FAM210A: variants seen among roughly 807,000 people sequenced by gnomAD.
The protein encoded by FAM210A is mitochondrial inner membrane scaffold 1.
A neutral mutation model predicts 25.3 loss-of-function variants in FAM210A; 13 were observed. The ratio of observed to expected loss-of-function variants is 0.51; its 90% CI spans 0.33 to 0.82. The LOEUF is 0.82. Among genes scored for constraint, FAM210A ranks in the 40% least tolerant of loss-of-function variants. The pLI is 0.02. For synonymous variants in FAM210A, 125 were observed against 118.7 expected, an observed-to-expected ratio of 1.05 and a Z score of -0.35; for missense variants, 319 against 323.2, an observed-to-expected ratio of 0.99 and a Z score of 0.10.
chr18:13,678,532 C>T (rs567358809), intron 2 of FAM210A, among the ~76,000 whole-genome samples: 4 of 152,266 alleles, frequency 2.6e-5, no homozygotes, highest in Admixed American at 6.5e-5. Flanking sequence ...TCAGACGATC[C>T]GCCTGCCTCA....
intron 1 of FAM210A, among the ~76,000 whole-genome samples, chr18:13,689,160 T>A (rs1445878337): frequency 1.3e-5 from 2 of 152,216 alleles, no homozygotes; most frequent in East Asian, 1.9e-4. Context: ...AAAACGTACA[T>A]CTACTGGGCA....
intron 1 of FAM210A, among the ~76,000 whole-genome samples, chr18:13,714,235 T>C (rs2043843774): frequency 6.6e-6 from 1 of 152,170 alleles, no homozygotes; most frequent in African/African-American, 2.4e-5. Flanking sequence ...ATGTCAGACA[T>C]GAGTTACAAG....
intron 1 of FAM210A, among the ~76,000 whole-genome samples, chr18:13,693,337 C>T (rs994707148): frequency 9.2e-5 from 14 of 152,198 alleles, no homozygotes; most frequent in African/African-American, 3.4e-4. Flanking sequence ...TGGTACCATT[C>T]CTTCTGAAAC....
At chr18:13,675,167 CTTCT>C (rs1473003056) in intron 2 of FAM210A, among the ~76,000 whole-genome samples, 1 of 138,550 alleles carries the variant, frequency 7.2e-6, no homozygotes, top group Non-Finnish European at 1.6e-5. Flanking sequence ...TGAGCCCCAG[CTTCT>C]TTATTTCCTG....
intron 1 of FAM210A, among the ~76,000 whole-genome samples, chr18:13,697,992 ACT>A (rs2043708704): frequency 6.6e-6 from 1 of 152,146 alleles, no homozygotes; most frequent in Non-Finnish European, 1.5e-5. Flanking sequence ...CACTTTCTAT[ACT>A]CTCACACAAC....
At chr18:13,679,268 A>C (rs942171959) in intron 2 of FAM210A, among the ~76,000 whole-genome samples, 2 of 152,202 alleles carry the variant, frequency 1.3e-5, no homozygotes, top group African/African-American at 4.8e-5. Flanking sequence ...CCTTTCTTTT[A>C]ATAGTAAGTA....
chr18:13,678,155 G>A (rs2043520547), intron 2 of FAM210A, among the ~76,000 whole-genome samples: 1 of 152,110 alleles, frequency 6.6e-6, no homozygotes, highest in Non-Finnish European at 1.5e-5. Context: ...GTGGTGTCAA[G>A]ACTTGTCTCT....
Position 13,681,609 on chromosome 18 carries a change from A to C in FAM210A, c.469T>G (p.Leu157Val). The C allele has an allele frequency of 6.3e-7, 1 of 1,596,568 alleles. No individual in the cohort carries two copies. The highest frequency in any genetic ancestry group is 1.1e-5 in the South Asian group (1 of 87,472). The change falls in exon 2 of 4, where the codon TTG becomes GTG. Residue 157 changes from leucine to valine, a missense_variant. By Grantham distance (32) the Leu-to-Val change is conservative. Coordinates refer to ENST00000651643, the MANE Select transcript of FAM210A (RefSeq NM_152352.4). ...VWFGTFYYAA[L>V]KGVNVVPFLE... ...TTCAACTAAGCAAAAACTTACTTCA[A>C]GGCTGCATAATAAAATGTTCCAAAC...
chr18:13,676,379 T>G (rs1176263620), intron 2 of FAM210A, among the ~76,000 whole-genome samples: 1 of 134,026 alleles, frequency 7.5e-6, no homozygotes, highest in Non-Finnish European at 1.7e-5. Context: ...TTCCTGATTA[T>G]TAACACTCCT....
chr18:13,714,501 A>T (rs80304896), intron 1 of FAM210A, among the ~76,000 whole-genome samples: 2,711 of 152,322 alleles, frequency 0.018, 31 homozygotes, highest in Middle Eastern at 0.061. Context: ...GAGTAACTGA[A>T]GTTTTGAGCA....
At chr18:13,689,025 G>T (rs1199539839) in intron 1 of FAM210A, among the ~76,000 whole-genome samples, 1 of 152,240 alleles carries the variant, frequency 6.6e-6, no homozygotes, top group Non-Finnish European at 1.5e-5. Flanking sequence ...CAAGTAAACA[G>T]GGCACCCCTG....
chr18:13,668,976 T>G (rs149948624), intron 3 of FAM210A, among the ~76,000 whole-genome samples: 1 of 152,280 alleles, frequency 6.6e-6, no homozygotes, highest in East Asian at 1.9e-4. Context: ...CCTGCTTCTC[T>G]CAAAGTCTTA....
Position 13,665,571 on chromosome 18 carries a change from G to T in FAM210A, c.*909C>A, listed in dbSNP as rs1381969428. 6.6e-6 allele frequency: 1 copy of T among 151,794 alleles called. No individual in the cohort carries two copies. Among genetic ancestry groups the T allele is most frequent in the Non-Finnish European group, 1.5e-5 (1 of 68,012 alleles). The allele number at this position is 151,794 out of a possible 1,614,324, so 9.4% of individuals were successfully genotyped here. The stretch of plus-strand genomic sequence containing the variant: ...AGGCAAGGCCCATGTCTACCCCAAG[G>T]AGTTAGCAGTCTCCATGAAAACCTG... On this transcript the variant is annotated 3_prime_UTR_variant, in exon 4 of 4. Transcript: ENST00000651643.
intron 2 of FAM210A, among the ~76,000 whole-genome samples, chr18:13,678,308 C>T (rs181487822): frequency 4.6e-5 from 7 of 151,658 alleles, no homozygotes; most frequent in Non-Finnish European, 8.8e-5. Context: ...GATGGAGTTT[C>T]GCTCCAGGCT....
In FAM210A at chr18:13,664,809, T is replaced by A. The variant is rs534262895; in HGVS notation, c.*1671A>T. The stretch of plus-strand genomic sequence containing the variant: ...CCAAACTAAGTACTTGATATAAAAA[T>A]CCTGGCAAAGAGCAGGGGTCCCTGC... On this transcript the variant is annotated 3_prime_UTR_variant, in exon 4 of 4. Transcript: ENST00000651643. 2.0e-4 allele frequency: 31 copies of A among 152,308 alleles called. No individual in the cohort carries two copies. The highest frequency in any genetic ancestry group is 6.0e-4 in the African/African-American group (25 of 41,566). The allele number at this position is 152,308 out of a possible 1,614,324, so 9.4% of individuals were successfully genotyped here.
At position 13,682,767 on chromosome 18, in the gene FAM210A, G is replaced by T. The variant is rs574647966; in HGVS notation, c.-28-662C>A. 1.4e-3 allele frequency among the ~76,000 whole-genome samples: 215 copies of T among 152,338 alleles called. 1 individual carries two copies. The highest frequency in any genetic ancestry group is 5.0e-3 in the African/African-American group (207 of 41,576). On this transcript the variant is annotated intron_variant, in intron 1 of 3. Transcript: ENST00000651643. ...GCCTGTAATTCCAGCTACTCGGGAGGCTGAGGCATGAGAATTGCTTGAACC... is the reference window on the plus strand; with the variant it reads ...GCCTGTAATTCCAGCTACTCGGGAGTCTGAGGCATGAGAATTGCTTGAACC...
intron 3 of FAM210A, among the ~76,000 whole-genome samples, chr18:13,668,094 T>C (rs73414549): frequency 0.064 from 9,815 of 152,184 alleles, 487 homozygotes; most frequent in African/African-American, 0.13. Flanking sequence ...AGGTGTGTTG[T>C]ATAACAAAAC....
chr18:13,720,614 T>A (rs145682206), intron 1 of FAM210A, among the ~76,000 whole-genome samples: 2 of 152,334 alleles, frequency 1.3e-5, no homozygotes, highest in East Asian at 1.9e-4. Flanking sequence ...TGTTTCTTCT[T>A]GCCCACCAGG....
chr18:13,666,659 TCA>T lies in FAM210A; in HGVS notation c.638_639del (p.Val213GlufsTer40). Reference sequence around the variant, plus strand: ...ATGTAGCCATGACTGCGCAGATACTTCACAGTGACAGATGTTCCTCCCAAAGT... The same window carrying T: ...ATGTAGCCATGACTGCGCAGATACTTCAGTGACAGATGTTCCTCCCAAAGT... ...TVTLGGTSVTVKYLRSHGYMS... is the reference protein window; with the variant it reads ...TVTLGGTSVTXKYLRSHGYMS... On this transcript the variant is annotated frameshift_variant, in exon 4 of 4. Coordinates refer to ENST00000651643, the MANE Select transcript of FAM210A (RefSeq NM_152352.4). LOFTEE classifies it high-confidence loss of function. 6.2e-7 allele frequency: 1 copy of T among 1,614,198 alleles called. No homozygotes were observed. The highest frequency in any genetic ancestry group is 8.5e-7 in the Non-Finnish European group (1 of 1,180,034).
Sources: gnomAD v4.1 joint callset for allele counts (sites outside exome capture counted in the v4.1 genomes callset) on GRCh38, gnomAD v4.1.1 for gene constraint, MANE v1.5 for transcripts, NCBI Gene and HGNC (gene_info 2026-07-23, HGNC 2026-07-21) for gene names.